Variants in IL10 observed in about 807,000 individuals in gnomAD.
IL10 encodes the protein interleukin 10, also known as interleukin-10.
IL10 carries 7 observed loss-of-function variants against 21.0 expected under a neutral mutation model. The ratio of observed to expected loss-of-function variants is 0.33; its 90% CI spans 0.19 to 0.63. The LOEUF (loss-of-function observed/expected upper bound fraction) is 0.63, where lower values mean the gene tolerates loss of function less well. Ranked by LOEUF, IL10 falls within the 20% of genes least tolerant of loss-of-function variation. The pLI, the probability that IL10 is intolerant of heterozygous loss-of-function variation, is 0.77. For synonymous variants in IL10, 83 were observed against 79.7 expected (o/e 1.04, Z -0.22); for missense variants, 161 against 213.0 (o/e 0.76, Z 1.52).
chr1:206,768,581 T>C lies in IL10; in HGVS notation c.*55A>G, dbSNP rs1248200576. On this transcript the variant is annotated 3_prime_UTR_variant, in exon 5 of 5. Transcript: ENST00000423557. ...AGCTATCCCAGAGCCCCAGATCCGA[T>C]TTTGGAGACCTCTAATTTATGTCCT... is the stretch of plus-strand genomic sequence containing the variant. 5.8e-6 allele frequency: 6 copies of C among 1,030,042 alleles called. No individual in the cohort carries two copies. The East Asian group carries it at 1.2e-4, about 20-fold the overall frequency. The allele number at this position is 1,030,042 out of a possible 1,614,324, so 63.8% of individuals were successfully genotyped here.
At chr1:206,769,462 A>T (rs1674758279) in intron 4 of IL10, among the ~76,000 whole-genome samples, 2 of 152,252 alleles carry the variant, frequency 1.3e-5, no homozygotes, top group Non-Finnish European at 2.9e-5. Flanking sequence ...TTTATGTGCC[A>T]GCTTCCTGCA....
Position 206,772,260 on chromosome 1 carries a change from A to G in IL10, c.165+11T>C, listed in dbSNP as rs1674873531. The G allele has an allele frequency of 1.2e-6, 2 of 1,612,330 alleles. No homozygotes were observed. Among genetic ancestry groups the G allele is most frequent in the Non-Finnish European group, 8.5e-7 (1 of 1,178,414 alleles). On this transcript the variant is annotated intron_variant, in intron 1 of 4. Coordinates refer to ENST00000423557, the MANE Select transcript of IL10 (RefSeq NM_000572.3). ...AGGAAGAGAGAAAGGACAGGAAGGAATCATACTCACAAAGAAAGTCTTCAC... is the reference window on the plus strand; with the variant it reads ...AGGAAGAGAGAAAGGACAGGAAGGAGTCATACTCACAAAGAAAGTCTTCAC...
intron 4 of IL10, chr1:206,769,588 G>T (rs45450392): frequency 6.8e-6 from 4 of 586,822 alleles, no homozygotes; most frequent in Middle Eastern, 4.5e-4. Context: ...AGCCTAACCC[G>T]CAAGCCTGCA....
At chr1:206,772,165 G>A (rs1674868827) in intron 1 of IL10, 106 bp downstream of exon 1, 10 of 957,670 alleles carry the variant, frequency 1.0e-5, no homozygotes, top group South Asian at 8.1e-5. Context: ...AATAGGTGTT[G>A]GGGATGGAGG....
Position 206,772,489 on chromosome 1 carries a change from A to G in IL10, c.-54T>C. The G allele has an allele frequency of 6.5e-7, 1 of 1,543,204 alleles. No individual in the cohort carries two copies. Among genetic ancestry groups the G allele is most frequent in the Non-Finnish European group, 8.9e-7 (1 of 1,118,390 alleles). The stretch of plus-strand genomic sequence containing the variant: ...TTGGTTTTGCAAGAGCAAGCCCCTG[A>G]TGTGTAGACCTTCACCTCTCTGTCC... On this transcript the variant is annotated 5_prime_UTR_variant, in exon 1 of 5. Coordinates refer to ENST00000423557, the MANE Select transcript of IL10 (RefSeq NM_000572.3).
At chr1:206,771,145 T>C (rs1467478075) in intron 2 of IL10, 86 bp from the exon 3 acceptor site, 2 of 1,454,310 alleles carry the variant, frequency 1.4e-6, no homozygotes, top group Non-Finnish European at 1.9e-6. Flanking sequence ...GAGGACAGCT[T>C]GGTTCTAGCG....
chr1:206,770,571 C>A (rs761723553), intron 3 of IL10: 1 of 366,540 alleles, frequency 2.7e-6, no homozygotes. Flanking sequence ...CTTAGCTCCC[C>A]GCCCAGGGTC....
At chr1:206,770,128 C>G (rs1003880988) in intron 3 of IL10, among the ~76,000 whole-genome samples, 3 of 152,172 alleles carry the variant, frequency 2.0e-5, no homozygotes, top group Non-Finnish European at 4.4e-5. Context: ...TCTTGGGATT[C>G]CTTCCTCCCC....
intron 1 of IL10, 110 bp downstream of exon 1, chr1:206,772,161 T>G: frequency 1.1e-6 from 1 of 909,264 alleles, no homozygotes; most frequent in Non-Finnish European, 1.8e-6. Flanking sequence ...GGGGAATAGG[T>G]GTTGGGGATG....
At chr1:206,768,865 G>C (rs1403186745) in intron 4 of IL10, 137 bp from the exon 5 acceptor site, 4 of 699,202 alleles carry the variant, frequency 5.7e-6, no homozygotes, top group Non-Finnish European at 7.9e-6. Context: ...AAGTAAACCA[G>C]AGGATAGGCC....
Position 206,768,485 on chromosome 1 carries a change from G to C in IL10, c.*151C>G. 2 of 631,038 alleles carry C rather than the reference G, an allele frequency of 3.2e-6. No homozygotes were observed. Among genetic ancestry groups the C allele is most frequent in the South Asian group, 3.6e-5 (2 of 56,074 alleles). 39.1% of individuals were successfully genotyped at this position (631,038 alleles called of 1,614,324 possible). A position where few individuals can be genotyped will look rare whatever the true frequency, so the allele number is the denominator to read the frequency against. ...GAAGCTCAGTAAATAAATAGAAATG[G>C]GGGTTGAGGTATCAGAGGTAATAAA... On this transcript the variant is annotated 3_prime_UTR_variant, in exon 5 of 5. Coordinates refer to ENST00000423557, the MANE Select transcript of IL10 (RefSeq NM_000572.3).
chr1:206,770,411 C>A, intron 3 of IL10: 2 of 274,638 alleles, frequency 7.3e-6, no homozygotes, highest in East Asian at 8.9e-5. Flanking sequence ...GGAGGAATTA[C>A]TCATAGACAC....
At chr1:206,770,038 G>A in intron 3 of IL10, 144 bp from the exon 4 acceptor site, 1 of 715,006 alleles carries the variant, frequency 1.4e-6, no homozygotes, top group Non-Finnish European at 2.6e-6. Context: ...ACTGAGCCCT[G>A]CTTCCATGGC....
rs1440474409 is a variant in IL10, at chr1:206,768,009, C to T, written c.*627G>A. ...CCTCCCAAAGTGCTGGGATTACAGGCGTGAGCCACCGCGCCCGGCCTAGAA... is the reference window on the plus strand; with the variant it reads ...CCTCCCAAAGTGCTGGGATTACAGGTGTGAGCCACCGCGCCCGGCCTAGAA... On this transcript the variant is annotated 3_prime_UTR_variant, in exon 5 of 5. Coordinates refer to ENST00000423557, the MANE Select transcript of IL10 (RefSeq NM_000572.3). 1.1e-5 allele frequency: 2 copies of T among 177,586 alleles called. No homozygotes were observed. The highest frequency in any genetic ancestry group is 2.4e-5 in the Non-Finnish European group (2 of 82,836). The allele number at this position is 177,586 out of a possible 1,614,324, so 11.0% of individuals were successfully genotyped here.
rs142726516 is a variant in IL10, at chr1:206,768,644, G to T, written c.529C>A (p.Arg177=). Residue 177 remains arginine, a synonymous_variant, in exon 5 of 5, where the codon CGA becomes AGA. Transcript: ENST00000423557. ...GTCGCCACCCTGATGTCTCAGTTTCGTATCTTCATTGTCATGTAGGCTTCT... is the reference window on the plus strand; with the variant it reads ...GTCGCCACCCTGATGTCTCAGTTTCTTATCTTCATTGTCATGTAGGCTTCT... The part of the protein sequence containing the change: ...YIEAYMTMKI[R]N 2.5e-6 allele frequency: 4 copies of T among 1,589,556 alleles called. No individual in the cohort carries two copies. Among genetic ancestry groups the T allele is most frequent in the Non-Finnish European group, 2.6e-6 (3 of 1,157,678 alleles).
At position 206,772,378 on chromosome 1, in the gene IL10, G is replaced by A. The variant is rs141219090; in HGVS notation, c.58C>T (p.Pro20Ser). The A allele has an allele frequency of 6.5e-5, 105 of 1,614,166 alleles. No homozygotes were observed. In the African/African-American group the frequency reaches 1.2e-3, roughly 18 times the overall value. Residue 20 changes from proline (P) to serine (S), a missense_variant, in exon 1 of 5, where the codon CCA becomes TCA. Coordinates refer to ENST00000423557, the MANE Select transcript of IL10 (RefSeq NM_000572.3). ...TTCTCAGACTGGGTGCCCTGGCCTG[G>A]GCTGGCCCTCACCCCAGTCAGGAGG... ...LVLLTGVRAS[P>S]GQGTQSENSC...
intron 2 of IL10, 77 bp downstream of exon 2, chr1:206,771,279 C>G (rs1572539260): frequency 7.4e-7 from 1 of 1,360,098 alleles, no homozygotes; most frequent in East Asian, 2.3e-5. Context: ...AAACCCAATT[C>G]CCTGCAATCA....
chr1:206,770,562 T>C, intron 3 of IL10: 1 of 360,954 alleles, frequency 2.8e-6, no homozygotes, highest in Non-Finnish European at 5.2e-6. Context: ...CTTGGGAACC[T>C]TAGCTCCCCG....
intron 1 of IL10, 79 bp downstream of exon 1, chr1:206,772,192 G>A: frequency 7.8e-7 from 1 of 1,278,870 alleles, no homozygotes; most frequent in South Asian, 1.2e-5. Flanking sequence ...CGCAGGAGGA[G>A]GGTTCTTATA....
Sources: allele counts gnomAD v4.1 joint callset (sites outside exome capture counted in the v4.1 genomes callset), GRCh38; gene constraint gnomAD v4.1.1; transcripts MANE v1.5; gene names NCBI Gene and HGNC (gene_info 2026-07-23, HGNC 2026-07-21).